The following KLHL32 variants were observed in gnomAD, a reference collection of about 807,000 sequenced individuals.
The protein encoded by KLHL32 is kelch-like protein 32.
In KLHL32, 35 loss-of-function variants were observed where a neutral mutation model predicts 64.8. The observed-to-expected ratio is 0.54, with a 90% CI of 0.41 to 0.72. The LOEUF is 0.72. Ranked by LOEUF, KLHL32 falls within the 30% of genes least tolerant of loss-of-function variation. The probability of loss-of-function intolerance (pLI) is 0.00; values close to 1 mark genes in which losing one functional copy is unlikely to be tolerated. For synonymous variants in KLHL32, 259 were observed against 281.0 expected (o/e 0.92, Z 0.78); for missense variants, 589 against 768.5 (o/e 0.77, Z 2.76).
Position 96,942,570 on chromosome 6 carries a change from G to A in KLHL32, c.-66+17544G>A, listed in dbSNP as rs1771425713. On this transcript the variant is annotated intron_variant, in intron 1 of 10. Transcript: ENST00000369261. ...TAGAAGCTATGTCTTGAAGTGTTAA[G>A]GCTGGAAAGGACATTAGCATTGAAA... Among the ~76,000 whole-genome samples the A allele has an allele frequency of 1.3e-5, 2 of 151,964 alleles. 1 individual carries two copies. Among genetic ancestry groups the A allele is most frequent in the South Asian group, 4.1e-4 (2 of 4,822 alleles).
chr6:97,035,970 C>T (rs553693635), intron 3 of KLHL32, among the ~76,000 whole-genome samples: 9 of 152,048 alleles, frequency 5.9e-5, no homozygotes, highest in Admixed American at 1.3e-4. Flanking sequence ...TAATCTATAT[C>T]GGTTTACTTG....
intron 3 of KLHL32, among the ~76,000 whole-genome samples, chr6:97,026,112 T>C (rs937457792): frequency 2.6e-5 from 4 of 152,062 alleles, no homozygotes; most frequent in African/African-American, 7.2e-5. Context: ...ATATAAATGT[T>C]CATAGGATTA....
intron 6 of KLHL32, among the ~76,000 whole-genome samples, chr6:97,101,328 C>A (rs1262864485): frequency 6.6e-6 from 1 of 152,092 alleles, no homozygotes; most frequent in African/African-American, 2.4e-5. Flanking sequence ...TGCAGGATTA[C>A]CTCCAACAAT....
At chr6:96,967,415 A>G (rs962586100) in intron 2 of KLHL32, among the ~76,000 whole-genome samples, 4 of 151,230 alleles carry the variant, frequency 2.6e-5, no homozygotes, top group African/African-American at 9.8e-5. Flanking sequence ...ATACATATAT[A>G]TGTGTGTGTG....
intron 5 of KLHL32, among the ~76,000 whole-genome samples, chr6:97,066,198 C>A (rs931697382): frequency 2.0e-5 from 3 of 152,198 alleles, no homozygotes; most frequent in Non-Finnish European, 2.9e-5. Context: ...GCATCATCAC[C>A]TGATTCACTT....
chr6:96,902,000 A>AT, the KLHL32 span, among the ~76,000 whole-genome samples: 1 of 152,146 alleles, frequency 6.6e-6, no homozygotes. Flanking sequence ...AGTTAGGTTG[A>AT]TTCCATGTCT....
At position 96,947,970 on chromosome 6, in the gene KLHL32, A is replaced by G. The variant is rs533594002; in HGVS notation, c.-65-19026A>G. Among the ~76,000 whole-genome samples, 9 of 152,286 alleles carry G rather than the reference A, an allele frequency of 5.9e-5. No homozygotes were observed. In the East Asian group the frequency reaches 1.5e-3, roughly 26 times the overall value. On this transcript the variant is annotated intron_variant, in intron 1 of 10. Coordinates refer to ENST00000369261, the MANE Select transcript of KLHL32 (RefSeq NM_052904.4). ...AGAGGGACTTCTTTCTGGTCTTGGC[A>G]TAAAGAAATGAATTGTATGATGCTC...
intron 4 of KLHL32, among the ~76,000 whole-genome samples, chr6:97,056,122 T>C (rs1787858064): frequency 7.1e-6 from 1 of 140,644 alleles, no homozygotes; most frequent in Non-Finnish European, 1.5e-5. Flanking sequence ...TTTTTTTTTT[T>C]TGAGATGAAG....
At chr6:96,984,701 C>G (rs988087117) in intron 3 of KLHL32, among the ~76,000 whole-genome samples, 1 of 151,976 alleles carries the variant, frequency 6.6e-6, no homozygotes, top group Non-Finnish European at 1.5e-5. Context: ...CAACCCCTGC[C>G]TTTTTTTGTT....
At chr6:97,046,907 G>T (rs550509436) in intron 4 of KLHL32, among the ~76,000 whole-genome samples, 2 of 152,306 alleles carry the variant, frequency 1.3e-5, no homozygotes, top group South Asian at 4.1e-4. Flanking sequence ...TTAACATCGA[G>T]TGTATCTGCC....
chr6:97,132,838 GT>G, intron 10 of KLHL32, 91 bp downstream of exon 10: 1 of 910,862 alleles, frequency 1.1e-6, no homozygotes, highest in Non-Finnish European at 1.7e-6. Flanking sequence ...AGATATTTAT[GT>G]TTAGAAAGAG....
intron 3 of KLHL32, among the ~76,000 whole-genome samples, chr6:97,017,142 ATTAGCATGACGTT>A (rs1472214754): frequency 1.3e-5 from 2 of 152,222 alleles, no homozygotes; most frequent in African/African-American, 4.8e-5. Context: ...TGGTGAGTAA[ATTAGCATGACGTT>A]TTATAGATGT....
chr6:97,120,271 G>A (rs1798226082), intron 7 of KLHL32, among the ~76,000 whole-genome samples: 3 of 152,140 alleles, frequency 2.0e-5, no homozygotes, highest in Admixed American at 2.0e-4. Context: ...CAGGTGAGGG[G>A]CAGGAACCTG....
chr6:96,911,197 G>A, the KLHL32 span, among the ~76,000 whole-genome samples: 1 of 152,190 alleles, frequency 6.6e-6, no homozygotes, highest in Non-Finnish European at 1.5e-5. Context: ...TAGTTCTGGT[G>A]TGGGCCCTCT....
In KLHL32 at chr6:97,140,682, G is replaced by A. The variant is rs1054628397; in HGVS notation, c.*1400G>A. 2.6e-5 allele frequency: 4 copies of A among 151,812 alleles called. No individual in the cohort carries two copies. Among genetic ancestry groups the A allele is most frequent in the African/African-American group, 9.7e-5 (4 of 41,374 alleles). 9.4% of individuals were successfully genotyped at this position (151,812 alleles called of 1,614,324 possible). A position where few individuals can be genotyped will look rare whatever the true frequency, so the allele number is the denominator to read the frequency against. ...TCATTCAGGAATCCCTCTCTTAAAG[G>A]AAATTGTTATTTTATTCATGTAACC... is the stretch of plus-strand genomic sequence containing the variant. On this transcript the variant is annotated 3_prime_UTR_variant, in exon 11 of 11. Coordinates refer to ENST00000369261, the MANE Select transcript of KLHL32 (RefSeq NM_052904.4).
chr6:96,981,561 A>G (rs1472543828), intron 3 of KLHL32, among the ~76,000 whole-genome samples: 1 of 151,798 alleles, frequency 6.6e-6, no homozygotes, highest in African/African-American at 2.4e-5. Context: ...TCAGTTCAGC[A>G]TTGATTTTGG....
chr6:96,931,451 A>G (rs369382399), intron 1 of KLHL32, among the ~76,000 whole-genome samples: 231 of 152,344 alleles, frequency 1.5e-3, no homozygotes, highest in Middle Eastern at 0.01. Flanking sequence ...GTAGGATCCC[A>G]TAGACTGAGC....
upstream of KLHL32, among the ~76,000 whole-genome samples, chr6:96,922,654 A>G (rs1768786205): frequency 6.6e-6 from 1 of 152,218 alleles, no homozygotes; most frequent in Admixed American, 6.5e-5. Context: ...ACAAATAATA[A>G]GTATTCCAAA....
At chr6:97,063,314 G>A (rs759864983) in intron 4 of KLHL32, among the ~76,000 whole-genome samples, 1 of 152,140 alleles carries the variant, frequency 6.6e-6, no homozygotes, top group Non-Finnish European at 1.5e-5. Flanking sequence ...TGATGGATTC[G>A]ATATAAGGCC....
Sources: gnomAD v4.1 joint callset for allele counts (sites outside exome capture counted in the v4.1 genomes callset) on GRCh38, gnomAD v4.1.1 for gene constraint, MANE v1.5 for transcripts, NCBI Gene and HGNC (gene_info 2026-07-23, HGNC 2026-07-21) for gene names.